Variants in PDE4D observed in about 807,000 individuals in gnomAD.
PDE4D encodes phosphodiesterase 4D.
PDE4D carries 24 observed loss-of-function variants against 87.4 expected under a neutral mutation model. The observed-to-expected ratio is 0.27, with a 90% CI of 0.20 to 0.39. The LOEUF is 0.39. PDE4D is among the 10% of genes least tolerant of loss of function. The pLI is 1.00. For missense variants in PDE4D, 714 were observed against 1,041.0 expected (o/e 0.69, Z 4.32); for synonymous variants, 384 against 383.2 (o/e 1.00, Z -0.02).
intron 1 of PDE4D, among the ~76,000 whole-genome samples, chr5:59,535,438 T>C (rs1335873703): frequency 6.6e-6 from 1 of 152,240 alleles, no homozygotes; most frequent in African/African-American, 2.4e-5. Flanking sequence ...TTCATTCTGT[T>C]GATTTGCCTA....
chr5:59,531,653 GGCCCCCTTCTTTCATTTCCAAA>G (rs999348827), intron 1 of PDE4D, among the ~76,000 whole-genome samples: 4 of 152,086 alleles, frequency 2.6e-5, no homozygotes, highest in Admixed American at 6.6e-5. Context: ...CTTGGCTCCA[GGCCCCCTTCTTTCATTTCCAAA>G]GCCAACAAAG....
chr5:59,025,084 T>C (rs1755955811), intron 6 of PDE4D, among the ~76,000 whole-genome samples: 1 of 152,180 alleles, frequency 6.6e-6, no homozygotes, highest in African/African-American at 2.4e-5. Flanking sequence ...AACAGGATTA[T>C]AGCTTTGTTC....
At chr5:60,053,257 A>C (rs537604065) in intron 2 of PDE4D, among the ~76,000 whole-genome samples, 1 of 152,350 alleles carries the variant, frequency 6.6e-6, no homozygotes, top group Non-Finnish European at 1.5e-5. Flanking sequence ...AAAAGAACAA[A>C]GCTGGAGGCA....
At chr5:60,322,649 C>T (rs562692148) in intron 1 of PDE4D, among the ~76,000 whole-genome samples, 1 of 152,292 alleles carries the variant, frequency 6.6e-6, no homozygotes, top group African/African-American at 2.4e-5. Context: ...CCTATTTTCT[C>T]TCTGAAATAG....
intron 1 of PDE4D, among the ~76,000 whole-genome samples, chr5:59,843,212 C>G (rs752781963): frequency 6.6e-5 from 10 of 151,916 alleles, no homozygotes; most frequent in Non-Finnish European, 2.9e-5. Context: ...TATCAAAGGT[C>G]AAAATCTAAT....
chr5:60,463,794 C>T (rs1747141804), intron 1 of PDE4D, among the ~76,000 whole-genome samples: 1 of 152,148 alleles, frequency 6.6e-6, no homozygotes, highest in African/African-American at 2.4e-5. Context: ...TCCTTTCCTG[C>T]CATGGCCAAA....
intron 2 of PDE4D, among the ~76,000 whole-genome samples, chr5:60,153,761 T>A (rs10044734): frequency 0.5 from 76,747 of 151,980 alleles, 19,765 homozygotes; most frequent in Admixed American, 0.56. Flanking sequence ...AATAAGCTAG[T>A]TACAGGGAAA....
intron 1 of PDE4D, among the ~76,000 whole-genome samples, chr5:60,475,745 G>A (rs973364752): frequency 5.7e-5 from 8 of 141,248 alleles, no homozygotes; most frequent in Admixed American, 5.3e-4. Context: ...AGCTAATCTT[G>A]TAATATCTGA....
At chr5:60,459,815 T>A in intron 1 of PDE4D, 3 of 535,512 alleles carry the variant, frequency 5.6e-6, no homozygotes, top group Non-Finnish European at 1.0e-5. Flanking sequence ...AGAAAAATTT[T>A]TAAACAGGAA....
intron 5 of PDE4D, among the ~76,000 whole-genome samples, chr5:59,093,751 T>G (rs753625286): frequency 3.3e-5 from 5 of 152,126 alleles, no homozygotes; most frequent in South Asian, 2.1e-4. Context: ...TAACTAAGAA[T>G]GAACAGCCTC....
chr5:60,355,692 T>G (rs912303729), intron 1 of PDE4D, among the ~76,000 whole-genome samples: 1 of 151,784 alleles, frequency 6.6e-6, no homozygotes, highest in Non-Finnish European at 1.5e-5. Context: ...TTTTGTATAT[T>G]ATATATATAT....
chr5:60,359,770 C>T lies in PDE4D; in HGVS notation c.-90+128172G>A, dbSNP rs533622890. Among the ~76,000 whole-genome samples, 8 of 152,234 alleles carry T rather than the reference C, an allele frequency of 5.3e-5. No individual in the cohort carries two copies. The East Asian group carries it at 1.5e-3, about 29-fold the overall frequency. On this transcript the variant is annotated intron_variant, in intron 1 of 16. Transcript: ENST00000502484. The stretch of plus-strand genomic sequence containing the variant: ...GCACACTATCTGTGCATTATCTGTG[C>T]ACTAATATTATGGAATCATTTGGTA...
chr5:59,430,521 T>C, intron 1 of PDE4D: 1 of 914,064 alleles, frequency 1.1e-6, no homozygotes. Context: ...AGACATATGC[T>C]GCTCACTGGT....
intron 5 of PDE4D, among the ~76,000 whole-genome samples, chr5:59,141,513 T>C (rs1777882470): frequency 6.6e-6 from 1 of 152,186 alleles, no homozygotes; most frequent in Non-Finnish European, 1.5e-5. Context: ...GGAAAGTAAA[T>C]GTGGTTAAGA....
intron 1 of PDE4D, among the ~76,000 whole-genome samples, chr5:59,439,177 G>A (rs1330805840): frequency 6.6e-6 from 1 of 151,988 alleles, no homozygotes; most frequent in African/African-American, 2.4e-5. Flanking sequence ...TGACCACCAT[G>A]GTGAAACCTC....
intron 1 of PDE4D, among the ~76,000 whole-genome samples, chr5:59,601,560 C>T (rs1827508244): frequency 6.6e-6 from 1 of 151,932 alleles, no homozygotes. Context: ...TAGGTATATT[C>T]AAATTTATAC....
At chr5:59,878,240 T>C (rs1295777441) in intron 1 of PDE4D, among the ~76,000 whole-genome samples, 5 of 152,342 alleles carry the variant, frequency 3.3e-5, no homozygotes, top group African/African-American at 1.2e-4. Flanking sequence ...TATCTACCTA[T>C]GCTTTCACAA....
chr5:59,654,543 A>G (rs1055252936), intron 1 of PDE4D, among the ~76,000 whole-genome samples: 4 of 152,212 alleles, frequency 2.6e-5, no homozygotes, highest in African/African-American at 9.6e-5. Flanking sequence ...AGGAGGGGCC[A>G]CTACTTAGGA....
intron 1 of PDE4D, among the ~76,000 whole-genome samples, chr5:60,502,433 G>C (rs1336333205): frequency 1.3e-5 from 2 of 152,214 alleles, no homozygotes; most frequent in Non-Finnish European, 2.9e-5. Context: ...AAGTCAGGTA[G>C]TGTGATGCCT....
Sources: allele counts gnomAD v4.1 joint callset (sites outside exome capture counted in the v4.1 genomes callset), GRCh38; gene constraint gnomAD v4.1.1; transcripts MANE v1.5; gene names NCBI Gene and HGNC (gene_info 2026-07-23, HGNC 2026-07-21).